APPBP2: variants seen among roughly 807,000 people sequenced by gnomAD.
APPBP2 encodes amyloid beta precursor protein binding protein 2.
A neutral mutation model predicts 76.0 loss-of-function variants in APPBP2; 15 were observed. The observed-to-expected ratio is 0.20, with a 90% CI of 0.13 to 0.30. The LOEUF (loss-of-function observed/expected upper bound fraction) is 0.30. APPBP2 is among the 10% of genes least tolerant of loss of function. The pLI, the probability that APPBP2 is intolerant of heterozygous loss-of-function variation, is 1.00. For missense variants in APPBP2, 401 were observed against 687.2 expected, an observed-to-expected ratio of 0.58 and a Z score of 4.66; for synonymous variants, 222 against 242.2, an observed-to-expected ratio of 0.92 and a Z score of 0.77.
In APPBP2 at chr17:60,447,755, T is replaced by G. The variant is rs138166382; in HGVS notation, c.1584A>C (p.Gly528=). ...GATATTCAAACACTTTCTCGTAATT[T>G]CCAATGGAGTTGTAAAGTTTAATGA... ...RGLIKLYNSI[G]NYEKVFEYHN... The change falls in exon 13 of 13, where the codon GGA becomes GGC. Residue 528 remains glycine (G), a synonymous_variant. Transcript: ENST00000083182. The G allele has an allele frequency of 6.2e-7, 1 of 1,613,954 alleles. No homozygotes were observed. The highest frequency in any genetic ancestry group is 8.5e-7 in the Non-Finnish European group (1 of 1,180,036).
At chr17:60,524,002 T>TA (rs1156853595) in intron 1 of APPBP2, among the ~76,000 whole-genome samples, 1 of 152,202 alleles carries the variant, frequency 6.6e-6, no homozygotes, top group African/African-American at 2.4e-5. Context: ...GGCACATGTT[T>TA]AACACTTCCC....
chr17:60,494,714 T>G (rs1005229190), intron 2 of APPBP2, 97 bp from the exon 3 acceptor site: 20 of 1,126,242 alleles, frequency 1.8e-5, no homozygotes, highest in Middle Eastern at 2.9e-4. Context: ...GCACCATTAT[T>G]TTCCAGGACG....
At position 60,444,738 on chromosome 17, in the gene APPBP2, G is replaced by A. The variant is rs1398556236; in HGVS notation, c.*2843C>T. On this transcript the variant is annotated 3_prime_UTR_variant, in exon 13 of 13. Coordinates refer to ENST00000083182, the MANE Select transcript of APPBP2 (RefSeq NM_006380.5). ...TCTATTAAATGGAATGCAGGCATGA[G>A]TGGCCACCTGAGCGACACATGCGAG... 6.6e-6 allele frequency: 1 copy of A among 152,544 alleles called. No homozygotes were observed. The highest frequency in any genetic ancestry group is 6.6e-5 in the Admixed American group (1 of 15,258). The allele number at this position is 152,544 out of a possible 1,614,324, so 9.4% of individuals were successfully genotyped here.
intron 2 of APPBP2, among the ~76,000 whole-genome samples, chr17:60,497,571 C>T (rs2090786753): frequency 6.6e-6 from 1 of 152,114 alleles, no homozygotes; most frequent in African/African-American, 2.4e-5. Context: ...GATTATTACA[C>T]ATTGCATGCT....
intron 1 of APPBP2, among the ~76,000 whole-genome samples, chr17:60,516,674 T>A (rs2090966507): frequency 1.3e-5 from 2 of 152,254 alleles, no homozygotes. Flanking sequence ...ATAGCAGTGC[T>A]ATGAACATTC....
At position 60,461,952 on chromosome 17, in the gene APPBP2, T is replaced by C. The variant is rs780446061; in HGVS notation, c.831-37A>G. The C allele has an allele frequency of 2.5e-6, 4 of 1,607,588 alleles. No individual in the cohort carries two copies. In the African/African-American group the frequency reaches 4.0e-5, roughly 16 times the overall value. On this transcript the variant is annotated intron_variant, in intron 7 of 12. Coordinates refer to ENST00000083182, the MANE Select transcript of APPBP2 (RefSeq NM_006380.5). ...CACAAAATTATTAGGATATAAAGTA[T>C]AGAGACAATTTAAAAGGATATTTTT...
chr17:60,490,320 T>C (rs79387735), intron 3 of APPBP2, among the ~76,000 whole-genome samples: 8,149 of 152,122 alleles, frequency 0.054, 714 homozygotes, highest in African/African-American at 0.19. Context: ...GGAGGAATGG[T>C]TCAAAGAACT....
At chr17:60,484,576 T>C (rs1335337656) in intron 3 of APPBP2, among the ~76,000 whole-genome samples, 1 of 152,188 alleles carries the variant, frequency 6.6e-6, no homozygotes, top group East Asian at 1.9e-4. Flanking sequence ...TTTGATTTTG[T>C]ATCCTGAGAC....
At chr17:60,452,516 A>C (rs977099333) in intron 11 of APPBP2, among the ~76,000 whole-genome samples, 2 of 152,178 alleles carry the variant, frequency 1.3e-5, no homozygotes, top group African/African-American at 4.8e-5. Flanking sequence ...AATTTTGACA[A>C]TTTTTATTCC....
At chr17:60,515,730 G>T (rs1329463978) in intron 1 of APPBP2, among the ~76,000 whole-genome samples, 1 of 152,204 alleles carries the variant, frequency 6.6e-6, no homozygotes, top group African/African-American at 2.4e-5. Flanking sequence ...TTCTTAATTT[G>T]AGAGAAACAA....
intron 4 of APPBP2, among the ~76,000 whole-genome samples, chr17:60,470,560 C>T (rs2090544778): frequency 6.6e-6 from 1 of 151,990 alleles, no homozygotes; most frequent in Non-Finnish European, 1.5e-5. Flanking sequence ...GCCACCATGC[C>T]CAGCCTGCTC....
chr17:60,483,008 T>C (rs1261042377), intron 3 of APPBP2, among the ~76,000 whole-genome samples: 1 of 152,352 alleles, frequency 6.6e-6, no homozygotes, highest in East Asian at 1.9e-4. Context: ...ATCGCCACAC[T>C]GTCTTCCACA....
chr17:60,453,385 T>C (rs1273349941), intron 11 of APPBP2, among the ~76,000 whole-genome samples: 2 of 151,774 alleles, frequency 1.3e-5, no homozygotes, highest in Non-Finnish European at 2.9e-5. Context: ...GTTTTCACCA[T>C]GTTGGCCAGG....
chr17:60,520,961 C>G (rs983633999), intron 1 of APPBP2, among the ~76,000 whole-genome samples: 3 of 152,082 alleles, frequency 2.0e-5, no homozygotes. Flanking sequence ...ATTGTGTTGC[C>G]CAGGCTGGAG....
chr17:60,493,649 T>C (rs959509307), intron 3 of APPBP2, among the ~76,000 whole-genome samples: 1 of 150,730 alleles, frequency 6.6e-6, no homozygotes, highest in African/African-American at 2.4e-5. Context: ...TTTTTCTTTT[T>C]TTTTTTTTCT....
intron 3 of APPBP2, among the ~76,000 whole-genome samples, chr17:60,479,944 C>T (rs1448880386): frequency 6.6e-6 from 1 of 152,132 alleles, no homozygotes; most frequent in African/African-American, 2.4e-5. Flanking sequence ...ACACTTGAGT[C>T]ACAGAAAAAC....
intron 2 of APPBP2, among the ~76,000 whole-genome samples, chr17:60,497,020 C>T (rs1318224018): frequency 2.0e-5 from 3 of 152,172 alleles, no homozygotes; most frequent in Admixed American, 6.6e-5. Context: ...CACGCCCAGC[C>T]GACTTACTTG....
At chr17:60,464,133 A>C in intron 5 of APPBP2, 23 bp from the exon 6 acceptor site, 1 of 1,563,610 alleles carries the variant, frequency 6.4e-7, no homozygotes, top group Non-Finnish European at 8.7e-7. Flanking sequence ...TTTATAGAAG[A>C]GACAGAACTG....
At chr17:60,510,939 C>T (rs905947551) in intron 1 of APPBP2, among the ~76,000 whole-genome samples, 2 of 139,320 alleles carry the variant, frequency 1.4e-5, no homozygotes, top group African/African-American at 3.4e-5. Context: ...ATCCATGAAA[C>T]AAGAAATTAA....
Sources: allele counts gnomAD v4.1 joint callset (sites outside exome capture counted in the v4.1 genomes callset), GRCh38; gene constraint gnomAD v4.1.1; transcripts MANE v1.5; gene names NCBI Gene and HGNC (gene_info 2026-07-23, HGNC 2026-07-21).